Variants in C6 observed in about 807,000 individuals in gnomAD.
The protein encoded by C6 is complement C6, also known as complement component C6.
C6 carries 101 observed loss-of-function variants against 112.9 expected under a neutral mutation model. The ratio of observed to expected loss-of-function variants is 0.89; its 90% CI spans 0.76 to 1.06. The LOEUF is 1.06. C6 is among the 50% of genes least tolerant of loss of function. C6 has a pLI of 0.00. For missense variants in C6, 1,202 were observed against 1,104.6 expected (o/e 1.09, Z -1.25); for synonymous variants, 431 against 384.1 (o/e 1.12, Z -1.43).
At chr5:41,180,482 G>C (rs1470044390) in intron 7 of C6, among the ~76,000 whole-genome samples, 1 of 149,252 alleles carries the variant, frequency 6.7e-6, no homozygotes, top group Admixed American at 6.6e-5. Context: ...AAAATAATAG[G>C]AGAAAAAGGA....
At chr5:41,260,456 C>CG (rs1470265662) in intron 1 of C6, among the ~76,000 whole-genome samples, 2 of 149,622 alleles carry the variant, frequency 1.3e-5, no homozygotes, top group African/African-American at 5.0e-5. Flanking sequence ...AAACCCCCCC[C>CG]CAAAACAAAC....
rs111557442 is a variant in C6, at chr5:41,225,113, G to A, written c.-20-21863C>T. 7.1e-4 allele frequency among the ~76,000 whole-genome samples: 108 copies of A among 152,194 alleles called. 2 individuals carry two copies. Among genetic ancestry groups the A allele is most frequent in the African/African-American group, 2.3e-3 (97 of 41,544 alleles). On this transcript the variant is annotated intron_variant, in intron 1 of 17. Transcript: ENST00000263413. Reference sequence around the variant, plus strand: ...AAGTTTTAGGGTACATGTGCACAACGTGCAGGTTTGTTACATATGTATACA... The same window carrying A: ...AAGTTTTAGGGTACATGTGCACAACATGCAGGTTTGTTACATATGTATACA...
chr5:41,230,131 C>T (rs1037588809), intron 1 of C6, among the ~76,000 whole-genome samples: 4 of 152,028 alleles, frequency 2.6e-5, no homozygotes, highest in South Asian at 4.2e-4. Flanking sequence ...TGAGAATGTA[C>T]GTCATCTCAG....
intron 1 of C6, among the ~76,000 whole-genome samples, chr5:41,249,358 C>A (rs930956428): frequency 6.6e-6 from 1 of 152,022 alleles, no homozygotes; most frequent in African/African-American, 2.4e-5. Flanking sequence ...CTGAGTATTT[C>A]TTTTTTTCCC....
intron 5 of C6, among the ~76,000 whole-genome samples, chr5:41,195,401 C>T (rs1267318768): frequency 1.3e-5 from 2 of 152,174 alleles, no homozygotes; most frequent in Admixed American, 6.6e-5. Flanking sequence ...TCCATTTGCT[C>T]CTGACATTTC....
At position 41,181,481 on chromosome 5, in the gene C6, C is replaced by T. The variant is rs538732360; in HGVS notation, c.805G>A (p.Gly269Ser). The part of the protein sequence containing the change: ...TSLGHNENQQ[G>S]SFSSQGGSSF... ...CTCCCCCCCTGACTTGAGAATGAGC[C>T]TTGTTGATTTTCATTGTGTCCAAGA... is the stretch of plus-strand genomic sequence containing the variant. The change falls in exon 7 of 18, where the codon GGC becomes AGC. Residue 269 changes from glycine to serine, a missense_variant. Transcript: ENST00000337836. 2.6e-5 allele frequency: 42 copies of T among 1,613,624 alleles called. No homozygotes were observed. The South Asian group carries it at 4.5e-4, about 17-fold the overall frequency.
chr5:41,176,466 G>T lies in C6; in HGVS notation c.1168+9C>A, dbSNP rs758141200. 23 of 1,612,694 alleles carry T rather than the reference G, an allele frequency of 1.4e-5. No individual in the cohort carries two copies. The highest frequency in any genetic ancestry group is 1.9e-5 in the Non-Finnish European group (22 of 1,179,072). On this transcript the variant is annotated intron_variant, in intron 8 of 17. Transcript: ENST00000337836. ...CCAGTTAAAAAGAGTGAGGACTGAA[G>T]AAAGTTACCTGAGTTCTTTAGTTCC... is the stretch of plus-strand genomic sequence containing the variant.
intron 5 of C6, among the ~76,000 whole-genome samples, chr5:41,194,506 T>C (rs770630108): frequency 6.6e-6 from 1 of 152,188 alleles, no homozygotes; most frequent in Non-Finnish European, 1.5e-5. Context: ...TTATTCTAAA[T>C]CAAATAAGGT....
intron 1 of C6, among the ~76,000 whole-genome samples, chr5:41,256,982 A>G (rs1335188382): frequency 1.3e-5 from 2 of 152,162 alleles, no homozygotes; most frequent in Non-Finnish European, 2.9e-5. Flanking sequence ...TGTTTACACT[A>G]AAAATACTAC....
chr5:41,260,528 G>A (rs1301207247), intron 1 of C6, among the ~76,000 whole-genome samples: 5 of 151,356 alleles, frequency 3.3e-5, no homozygotes, highest in Non-Finnish European at 7.4e-5. Flanking sequence ...CCAGCACTTT[G>A]GGAGGCCGAG....
At chr5:41,219,278 T>G (rs942164017) in intron 1 of C6, among the ~76,000 whole-genome samples, 1 of 152,172 alleles carries the variant, frequency 6.6e-6, no homozygotes, top group Non-Finnish European at 1.5e-5. Flanking sequence ...CTGGAAATCA[T>G]GCTTCCAAAT....
chr5:41,211,655 C>T (rs1404923062), intron 1 of C6, among the ~76,000 whole-genome samples: 1 of 152,030 alleles, frequency 6.6e-6, no homozygotes, highest in Non-Finnish European at 1.5e-5. Context: ...CACCCTTGCC[C>T]CCCACTGCCA....
intron 10 of C6, 72 bp downstream of exon 10, chr5:41,161,616 ATAAAT>A: frequency 8.6e-7 from 1 of 1,160,288 alleles, no homozygotes; most frequent in Non-Finnish European, 1.3e-6. Context: ...AAAATGGAAA[ATAAAT>A]TGTGTGATGT....
chr5:41,195,911 T>G lies in C6; in HGVS notation c.468A>C (p.Leu156Phe). ...CACAGTCATTTTCTCCATTGCATTC[T>G]AACTTTCTGGCAATGCAGCGGCCTA... ...CDSGRCIARK[L>F]ECNGENDCGD... The change falls in exon 5 of 18, where the codon TTA becomes TTC. Residue 156 changes from leucine to phenylalanine, a missense_variant. Leu to Phe is a conservative substitution (Grantham distance 22, BLOSUM62 0). Transcript: ENST00000337836. 6.2e-7 allele frequency: 1 copy of G among 1,613,988 alleles called. No homozygotes were observed. Among genetic ancestry groups the G allele is most frequent in the East Asian group, 2.2e-5 (1 of 44,856 alleles).
chr5:41,204,606 G>GT lies in C6; in HGVS notation c.-20-1357dup, dbSNP rs370860580. Among the ~76,000 whole-genome samples, 513 of 146,552 alleles carry GT rather than the reference G, an allele frequency of 3.5e-3. 1 individual carries two copies. Among genetic ancestry groups the GT allele is most frequent in the African/African-American group, 0.012 (459 of 39,814 alleles). On this transcript the variant is annotated intron_variant, in intron 1 of 17. Coordinates refer to ENST00000337836, the MANE Select transcript of C6 (RefSeq NM_000065.5). ...GAGCTTGAGATCAGATATAAAAATT[G>GT]TTTTTTCAGTATGTTCAGAAACTAG...
intron 15 of C6, among the ~76,000 whole-genome samples, chr5:41,151,725 T>G (rs1279048522): frequency 6.6e-6 from 1 of 152,104 alleles, no homozygotes; most frequent in Non-Finnish European, 1.5e-5. Flanking sequence ...GTCCAAGCAC[T>G]GGCAGGAGCC....
chr5:41,200,566 G>T (rs2150363498), intron 3 of C6, among the ~76,000 whole-genome samples: 1 of 152,258 alleles, frequency 6.6e-6, no homozygotes, highest in African/African-American at 2.4e-5. Context: ...ATGATGTGAA[G>T]TTTGAATAAG....
At chr5:41,171,083 G>C (rs552275166) in intron 9 of C6, among the ~76,000 whole-genome samples, 5 of 152,270 alleles carry the variant, frequency 3.3e-5, no homozygotes, top group African/African-American at 1.2e-4. Flanking sequence ...GACCACTTAG[G>C]GGGCTTCTAA....
At chr5:41,144,276 C>CT (rs1057400774) in intron 17 of C6, among the ~76,000 whole-genome samples, 11 of 151,358 alleles carry the variant, frequency 7.3e-5, no homozygotes, top group Non-Finnish European at 1.3e-4. Flanking sequence ...CGTTTCTTTT[C>CT]TTTTTTTTTG....
Sources: allele counts gnomAD v4.1 joint callset (sites outside exome capture counted in the v4.1 genomes callset), GRCh38; gene constraint gnomAD v4.1.1; transcripts MANE v1.5; gene names NCBI Gene and HGNC (gene_info 2026-07-23, HGNC 2026-07-21).